Variants in ASTN2 observed in about 807,000 individuals in gnomAD.
ASTN2 encodes astrotactin 2.
Under a neutral mutation model 139.8 loss-of-function variants are expected in ASTN2, and 54 were observed. The ratio of observed to expected loss-of-function variants is 0.39; its 90% CI spans 0.31 to 0.48. ASTN2 has a LOEUF of 0.48. Ranked by LOEUF, ASTN2 falls within the 20% of genes least tolerant of loss-of-function variation. The probability of loss-of-function intolerance (pLI) is 0.95; values close to 1 mark genes in which losing one functional copy is unlikely to be tolerated. For missense variants in ASTN2, 1,565 were observed against 1,725.1 expected, an observed-to-expected ratio of 0.91 and a Z score of 1.64; for synonymous variants, 756 against 719.5, an observed-to-expected ratio of 1.05 and a Z score of -0.81.
intron 13 of ASTN2, among the ~76,000 whole-genome samples, chr9:116,754,344 T>C (rs1485253099): frequency 6.6e-6 from 1 of 152,178 alleles, no homozygotes; most frequent in Non-Finnish European, 1.5e-5. Flanking sequence ...GATTGCTGGG[T>C]CAAATGGTAT....
chr9:116,627,910 C>T (rs956875494), intron 17 of ASTN2, among the ~76,000 whole-genome samples: 12 of 152,172 alleles, frequency 7.9e-5, no homozygotes, highest in Admixed American at 3.3e-4. Context: ...TTCCCAACAA[C>T]CTGTGAGCTA....
At chr9:117,004,247 G>A (rs117032140) in intron 7 of ASTN2, among the ~76,000 whole-genome samples, 1,689 of 152,134 alleles carry the variant, frequency 0.011, 20 homozygotes, top group Non-Finnish European at 0.017. Context: ...AGCTTCTAGA[G>A]TAGCTGGGAC....
chr9:117,036,068 A>G (rs971709076), intron 6 of ASTN2, among the ~76,000 whole-genome samples: 1 of 152,216 alleles, frequency 6.6e-6, no homozygotes, highest in Non-Finnish European at 1.5e-5. Flanking sequence ...TATACACATT[A>G]TAACGTTCAA....
At chr9:116,645,500 T>A (rs1410412121) in intron 17 of ASTN2, among the ~76,000 whole-genome samples, 1 of 151,968 alleles carries the variant, frequency 6.6e-6, no homozygotes, top group African/African-American at 2.4e-5. Flanking sequence ...GGAGCTAGGG[T>A]CCAATGGTCC....
chr9:117,271,553 A>G (rs1834064545), intron 2 of ASTN2, among the ~76,000 whole-genome samples: 1 of 152,112 alleles, frequency 6.6e-6, no homozygotes, highest in Non-Finnish European at 1.5e-5. Context: ...CCACAGTCCA[A>G]AGTCTCATCT....
chr9:117,207,634 TC>T (rs1027137435), intron 3 of ASTN2, among the ~76,000 whole-genome samples: 3 of 151,770 alleles, frequency 2.0e-5, no homozygotes, highest in Admixed American at 2.0e-4. Context: ...AAAGCTATAC[TC>T]CCACATTCTG....
At chr9:116,467,229 C>A (rs1848673084) in intron 20 of ASTN2, among the ~76,000 whole-genome samples, 2 of 150,238 alleles carry the variant, frequency 1.3e-5, no homozygotes, top group Admixed American at 1.3e-4. Flanking sequence ...GCAGCCAGCA[C>A]ACAGCAAACT....
At chr9:117,370,513 T>G (rs959321352) in intron 1 of ASTN2, among the ~76,000 whole-genome samples, 1 of 152,100 alleles carries the variant, frequency 6.6e-6, no homozygotes, top group East Asian at 1.9e-4. Context: ...CATGTTACAG[T>G]TTAGAAAGCA....
chr9:117,002,258 G>T (rs367698898), intron 7 of ASTN2, among the ~76,000 whole-genome samples: 7 of 152,284 alleles, frequency 4.6e-5, no homozygotes, highest in Admixed American at 1.3e-4. Flanking sequence ...AGTCAACAAA[G>T]AACTCTGATG....
chr9:116,428,406 C>T (rs950181110), intron 22 of ASTN2, among the ~76,000 whole-genome samples: 35 of 151,992 alleles, frequency 2.3e-4, no homozygotes, highest in African/African-American at 8.0e-4. Flanking sequence ...TACCTGTAAC[C>T]CCAGCTACTC....
chr9:116,632,513 G>A (rs569135858), intron 17 of ASTN2, among the ~76,000 whole-genome samples: 3 of 152,048 alleles, frequency 2.0e-5, no homozygotes, highest in African/African-American at 7.2e-5. Flanking sequence ...TCTTAGCCTG[G>A]CACACACAGC....
chr9:116,976,793 T>C lies in ASTN2; in HGVS notation c.1592-8A>G. On this transcript the variant is annotated splice_region_variant and splice_polypyrimidine_tract_variant and intron_variant, in intron 7 of 22. Coordinates refer to ENST00000313400, the MANE Select transcript of ASTN2 (RefSeq NM_001365068.1). ...CATGACAGCTGCACTCTCCTGTAAG[T>C]GAAAAGAAAAAAGATTATTGTTAAG... The C allele has an allele frequency of 6.2e-7, 1 of 1,612,972 alleles. No individual in the cohort carries two copies. The highest frequency in any genetic ancestry group is 8.5e-7 in the Non-Finnish European group (1 of 1,179,352).
At position 116,527,282 on chromosome 9, in the gene ASTN2, G is replaced by A. The variant is rs79823170; in HGVS notation, c.3356-39782C>T. The stretch of plus-strand genomic sequence containing the variant: ...GAATATATTTGCAATCCATACATCT[G>A]ATAAGGGGCTAATATCTAAAATATA... On this transcript the variant is annotated intron_variant, in intron 19 of 22. Transcript: ENST00000313400. Among the ~76,000 whole-genome samples, 2,846 of 152,216 alleles carry A rather than the reference G, an allele frequency of 0.019. 385 individuals are homozygous for A. The South Asian group carries it at 0.27, about 15-fold the overall frequency.
intron 16 of ASTN2, among the ~76,000 whole-genome samples, chr9:116,711,605 A>T (rs1018892088): frequency 2.0e-5 from 3 of 152,084 alleles, no homozygotes; most frequent in African/African-American, 7.2e-5. Flanking sequence ...TAGACTCAGT[A>T]TATTCAAAAC....
chr9:117,177,378 C>A (rs1830942715), intron 3 of ASTN2, among the ~76,000 whole-genome samples: 1 of 152,080 alleles, frequency 6.6e-6, no homozygotes, highest in South Asian at 2.1e-4. Context: ...AGTGGAGAAA[C>A]CTGGAACAGA....
At chr9:116,800,942 T>TA (rs1306530560) in intron 13 of ASTN2, among the ~76,000 whole-genome samples, 1 of 152,154 alleles carries the variant, frequency 6.6e-6, no homozygotes, top group African/African-American at 2.4e-5. Context: ...AGACCTCTCT[T>TA]ATATCAGCAG....
rs1053296056 is a variant in ASTN2, at chr9:116,464,763, C to T, written c.3498-22210G>A. Among the ~76,000 whole-genome samples the T allele has an allele frequency of 2.6e-5, 4 of 152,190 alleles. No individual in the cohort carries two copies. In the South Asian group the frequency reaches 6.2e-4, roughly 24 times the overall value. Reference sequence around the variant, plus strand: ...TTTTTTGTTTGTTTCCCATCTCTTACTGCTTTGAAGCTTGCTCTCTGGGAC... The same window carrying T: ...TTTTTTGTTTGTTTCCCATCTCTTATTGCTTTGAAGCTTGCTCTCTGGGAC... On this transcript the variant is annotated intron_variant, in intron 20 of 22. Transcript: ENST00000313400.
chr9:116,597,833 G>A (rs1378470057), intron 19 of ASTN2, among the ~76,000 whole-genome samples: 4 of 152,122 alleles, frequency 2.6e-5, no homozygotes, highest in African/African-American at 4.8e-5. Context: ...CTTGGAGTGA[G>A]TATTCCCAGG....
chr9:117,330,622 G>A (rs567249701), intron 1 of ASTN2, among the ~76,000 whole-genome samples: 1 of 152,188 alleles, frequency 6.6e-6, no homozygotes, highest in Admixed American at 6.5e-5. Context: ...CCCTTCCTCT[G>A]TGTCATTCTA....
Sources: gnomAD v4.1 joint callset for allele counts (sites outside exome capture counted in the v4.1 genomes callset) on GRCh38, gnomAD v4.1.1 for gene constraint, MANE v1.5 for transcripts, NCBI Gene and HGNC (gene_info 2026-07-23, HGNC 2026-07-21) for gene names.